CAMK1D: variants seen among roughly 807,000 people sequenced by gnomAD.
CAMK1D encodes calcium/calmodulin dependent protein kinase ID.
A neutral mutation model predicts 47.7 loss-of-function variants in CAMK1D; 9 were observed. That is an observed-to-expected ratio of 0.19 (90% CI 0.11 to 0.33). CAMK1D has a LOEUF of 0.33. Ranked by LOEUF, CAMK1D falls within the 10% of genes least tolerant of loss-of-function variation. The pLI is 1.00. For synonymous variants in CAMK1D, 184 were observed against 184.9 expected, an observed-to-expected ratio of 0.99 and a Z score of 0.04; for missense variants, 291 against 488.7, an observed-to-expected ratio of 0.60 and a Z score of 3.81.
intron 2 of CAMK1D, among the ~76,000 whole-genome samples, chr10:12,589,923 G>T (rs1837946390): frequency 6.6e-6 from 1 of 152,128 alleles, no homozygotes; most frequent in East Asian, 1.9e-4. Context: ...GTAGAGACCT[G>T]CTAGGGTAAC....
chr10:12,450,950 C>G (rs1588499457), intron 1 of CAMK1D, among the ~76,000 whole-genome samples: 1 of 152,190 alleles, frequency 6.6e-6, no homozygotes, highest in Non-Finnish European at 1.5e-5. Context: ...GCGCCTCATG[C>G]AGGCTCCCAC....
intron 1 of CAMK1D, among the ~76,000 whole-genome samples, chr10:12,550,456 T>A (rs1836541332): frequency 6.6e-6 from 1 of 152,080 alleles, no homozygotes; most frequent in Admixed American, 6.6e-5. Flanking sequence ...GCCACCTGTC[T>A]CCCCCTGGCT....
chr10:12,423,483 C>T (rs942771864), intron 1 of CAMK1D, among the ~76,000 whole-genome samples: 2 of 152,054 alleles, frequency 1.3e-5, no homozygotes, highest in Non-Finnish European at 2.9e-5. Flanking sequence ...TGACTACGCT[C>T]CAGCCCAGGG....
At chr10:12,355,564 T>C (rs1463112448) in intron 1 of CAMK1D, among the ~76,000 whole-genome samples, 2 of 152,048 alleles carry the variant, frequency 1.3e-5, no homozygotes, top group Non-Finnish European at 2.9e-5. Flanking sequence ...GTGAATTTCA[T>C]AGTTGTTTTT....
intron 3 of CAMK1D, among the ~76,000 whole-genome samples, chr10:12,689,979 T>C (rs776055450): frequency 6.6e-6 from 1 of 152,200 alleles, no homozygotes; most frequent in Non-Finnish European, 1.5e-5. Flanking sequence ...AGGGCTGTCA[T>C]GTACAGAGAT....
At chr10:12,641,859 A>G (rs1022225775) in intron 2 of CAMK1D, among the ~76,000 whole-genome samples, 1 of 152,030 alleles carries the variant, frequency 6.6e-6, no homozygotes, top group Non-Finnish European at 1.5e-5. Flanking sequence ...AACCTGGCCA[A>G]CATGGTGAGA....
chr10:12,701,107 C>CTTT (rs771965542), intron 3 of CAMK1D, among the ~76,000 whole-genome samples: 24 of 138,656 alleles, frequency 1.7e-4, no homozygotes, highest in Admixed American at 4.4e-4. Context: ...ATAGATTCTT[C>CTTT]TTTTTTTTTT....
intron 3 of CAMK1D, among the ~76,000 whole-genome samples, chr10:12,694,313 A>ATTATGTAT (rs1477901073): frequency 3.1e-5 from 2 of 65,308 alleles, no homozygotes; most frequent in Admixed American, 2.9e-4. Flanking sequence ...TAAAATATAT[A>ATTATGTAT]AAATATAATA....
intron 2 of CAMK1D, among the ~76,000 whole-genome samples, chr10:12,563,775 G>A (rs542589586): frequency 6.6e-6 from 1 of 151,852 alleles, no homozygotes; most frequent in Admixed American, 6.6e-5. Context: ...GGCCTCTCCT[G>A]CCACCTTGTA....
In CAMK1D at chr10:12,724,729, A is replaced by G. The variant is rs544703890; in HGVS notation, c.300-36219A>G. Among the ~76,000 whole-genome samples, 8 of 152,280 alleles carry G rather than the reference A, an allele frequency of 5.3e-5. 1 individual carries two copies. In the East Asian group the frequency reaches 1.5e-3, roughly 29 times the overall value. ...AAGGAGATGCTTCTGTGTGAATGAAATAAAGCCCAGCTCAGGGCAGCCTGA... is the reference window on the plus strand; with the variant it reads ...AAGGAGATGCTTCTGTGTGAATGAAGTAAAGCCCAGCTCAGGGCAGCCTGA... On this transcript the variant is annotated intron_variant, in intron 3 of 10. Coordinates refer to ENST00000619168, the MANE Select transcript of CAMK1D (RefSeq NM_153498.4).
intron 2 of CAMK1D, among the ~76,000 whole-genome samples, chr10:12,609,418 G>A (rs530625283): frequency 5.9e-5 from 9 of 152,200 alleles, no homozygotes; most frequent in African/African-American, 2.2e-4. Context: ...TATTACATTG[G>A]AATACATAAT....
intron 1 of CAMK1D, among the ~76,000 whole-genome samples, chr10:12,373,607 G>A (rs11257745): frequency 0.33 from 49,793 of 151,784 alleles, 8,292 homozygotes; most frequent in Middle Eastern, 0.39. Context: ...ACTCCAGCCC[G>A]GGTGACAGAG....
chr10:12,489,009 C>T (rs1834299245), intron 1 of CAMK1D, among the ~76,000 whole-genome samples: 1 of 149,946 alleles, frequency 6.7e-6, no homozygotes, highest in Non-Finnish European at 1.5e-5. Context: ...GATCTCGGCT[C>T]ACTGCAAGCT....
At chr10:12,387,801 C>G (rs1311342707) in intron 1 of CAMK1D, among the ~76,000 whole-genome samples, 1 of 151,950 alleles carries the variant, frequency 6.6e-6, no homozygotes, top group Non-Finnish European at 1.5e-5. Flanking sequence ...GTGTGTGTAT[C>G]TTTATGTCAT....
At position 12,536,783 on chromosome 10, in the gene CAMK1D, C is replaced by G. The variant is rs987072819; in HGVS notation, c.93-16442C>G. On this transcript the variant is annotated intron_variant, in intron 1 of 10. Transcript: ENST00000619168. ...GAAGAAATACTGTATCTTTTGGTAA[C>G]CTTTTTTTCAATTGTAATTATGTTT... Among the ~76,000 whole-genome samples, 3 of 152,070 alleles carry G rather than the reference C, an allele frequency of 2.0e-5. No homozygotes were observed. The South Asian group carries it at 6.2e-4, about 32-fold the overall frequency.
chr10:12,733,086 A>C lies in CAMK1D; in HGVS notation c.300-27862A>C, dbSNP rs113737580. ...ACTCCCTGGTCCAAATCTTTGTGCG[A>C]GACCCTGTGCCTCCAGTCCAGAGCA... is the stretch of plus-strand genomic sequence containing the variant. On this transcript the variant is annotated intron_variant, in intron 3 of 10. Coordinates refer to ENST00000619168, the MANE Select transcript of CAMK1D (RefSeq NM_153498.4). 3.8e-3 allele frequency among the ~76,000 whole-genome samples: 576 copies of C among 152,364 alleles called. 8 individuals are homozygous for C. The highest frequency in any genetic ancestry group is 0.013 in the African/African-American group (552 of 41,588).
chr10:12,353,807 A>C (rs1037391389), intron 1 of CAMK1D, among the ~76,000 whole-genome samples: 1 of 152,172 alleles, frequency 6.6e-6, no homozygotes, highest in Non-Finnish European at 1.5e-5. Context: ...TTGGCACACT[A>C]TGAGAACAAA....
At chr10:12,357,097 TG>T (rs1377374515) in intron 1 of CAMK1D, among the ~76,000 whole-genome samples, 1 of 152,194 alleles carries the variant, frequency 6.6e-6, no homozygotes, top group African/African-American at 2.4e-5. Context: ...GGCTTAGGCA[TG>T]GGTCCAGCGG....
intron 1 of CAMK1D, among the ~76,000 whole-genome samples, chr10:12,526,407 G>A (rs1835622662): frequency 6.6e-6 from 1 of 152,154 alleles, no homozygotes; most frequent in African/African-American, 2.4e-5. Context: ...TTGTGCTGAT[G>A]CATACACAGA....
Sources: allele counts gnomAD v4.1 joint callset (sites outside exome capture counted in the v4.1 genomes callset), GRCh38; gene constraint gnomAD v4.1.1; transcripts MANE v1.5; gene names NCBI Gene and HGNC (gene_info 2026-07-23, HGNC 2026-07-21).